PARS2: variants seen among roughly 807,000 people sequenced by gnomAD.
PARS2 encodes the protein probable proline--tRNA ligase, mitochondrial.
A neutral mutation model predicts 27.4 loss-of-function variants in PARS2; 20 were observed. The observed-to-expected ratio is 0.73, with a 90% CI of 0.51 to 1.06. The LOEUF is 1.06. Ranked by LOEUF, PARS2 falls within the 50% of genes least tolerant of loss-of-function variation. The pLI is 0.00. For synonymous variants in PARS2, 240 were observed against 247.1 expected, an observed-to-expected ratio of 0.97 and a Z score of 0.27; for missense variants, 585 against 602.1, an observed-to-expected ratio of 0.97 and a Z score of 0.30.
intron 1 of PARS2, among the ~76,000 whole-genome samples, chr1:54,762,087 A>T (rs147145757): frequency 6.7e-6 from 1 of 150,186 alleles, no homozygotes; most frequent in East Asian, 2.0e-4. Context: ...CATTACAGTT[A>T]CCCAGTGGTT....
intron 1 of PARS2, among the ~76,000 whole-genome samples, 193 bp from the exon 2 acceptor site, chr1:54,759,383 A>G (rs1052831001): frequency 5.3e-5 from 8 of 152,226 alleles, no homozygotes; most frequent in South Asian, 4.1e-4. Flanking sequence ...TGAAAAATCA[A>G]TATTTTCCTG....
Position 54,758,120 on chromosome 1 carries a change from A to G in PARS2, c.1042T>C (p.Leu348=). 1.2e-6 allele frequency: 2 copies of G among 1,614,244 alleles called. No homozygotes were observed. Among genetic ancestry groups the G allele is most frequent in the Middle Eastern group, 1.6e-4 (1 of 6,062 alleles). ...GAGAGGACTTCAATGGCAGCAGCCA[A>G]GATCCGTGTCACACCCAAGCCATAG... ...GCYGLGVTRI[L]AAAIEVLSTE... The change falls in exon 2 of 2, where the codon TTG becomes CTG. Residue 348 remains leucine (L), a synonymous_variant. Transcript: ENST00000371279.
rs984324915 is a variant in PARS2 at position 54,757,548 on chromosome 1, T to A, written c.*186A>T. On this transcript the variant is annotated 3_prime_UTR_variant, in exon 2 of 2. Transcript: ENST00000371279. ...GGCCAGTCTGGAGAAAGGGATCAAGTTAATGACTTTAAATACAAATAATCT... is the reference window on the plus strand; with the variant it reads ...GGCCAGTCTGGAGAAAGGGATCAAGATAATGACTTTAAATACAAATAATCT... 1.6e-5 allele frequency: 9 copies of A among 556,930 alleles called. No homozygotes were observed. Among genetic ancestry groups the A allele is most frequent in the Non-Finnish European group, 2.9e-5 (9 of 315,358 alleles). The allele number at this position is 556,930 out of a possible 1,614,324, so 34.5% of individuals were successfully genotyped here. A position where few individuals can be genotyped will look rare whatever the true frequency, so the allele number is the denominator to read the frequency against.
At position 54,758,744 on chromosome 1, in the gene PARS2, C is replaced by A; in HGVS notation, c.418G>T (p.Glu140Ter). The change falls in exon 2 of 2, where the codon GAG (glutamate) becomes TAG (stop). Residue 140 changes from glutamate to a stop codon, truncating the protein, a stop_gained. Transcript: ENST00000371279. LOFTEE classifies it high-confidence loss of function. ...ATNRWDLMGK[E>*]LLRLRDRHGK... ...TGCCTGTCTCTAAGTCTTAGCAGCT[C>A]TTTGCCCATCAAGTCCCACCGGTTG... The A allele has an allele frequency of 1.2e-6, 2 of 1,614,132 alleles. No homozygotes were observed. Among genetic ancestry groups the A allele is most frequent in the Non-Finnish European group, 1.7e-6 (2 of 1,180,032 alleles).
intron 1 of PARS2, among the ~76,000 whole-genome samples, chr1:54,762,894 A>C (rs1316038541): frequency 6.6e-6 from 1 of 152,140 alleles, no homozygotes; most frequent in African/African-American, 2.4e-5. Flanking sequence ...GAATGAATGG[A>C]GTAATTCTTG....
At position 54,757,007 on chromosome 1, in the gene PARS2, C is replaced by G. The variant is rs1255642756; in HGVS notation, c.*727G>C. The G allele has an allele frequency of 6.6e-6, 1 of 152,066 alleles. No homozygotes were observed. The highest frequency in any genetic ancestry group is 1.5e-5 in the Non-Finnish European group (1 of 68,020). 9.4% of individuals were successfully genotyped at this position (152,066 alleles called of 1,614,324 possible). A position where few individuals can be genotyped will look rare whatever the true frequency, so the allele number is the denominator to read the frequency against. The stretch of plus-strand genomic sequence containing the variant: ...TTTTTGGGCCATCAGTTAATTACAT[C>G]GACTTTCCAGGAAACAGACTATGGA... On this transcript the variant is annotated 3_prime_UTR_variant, in exon 2 of 2. Transcript: ENST00000371279.
At position 54,758,644 on chromosome 1, in the gene PARS2, G is replaced by A. The variant is rs1434490634; in HGVS notation, c.518C>T (p.Ser173Phe). The A allele has an allele frequency of 6.2e-7, 1 of 1,614,098 alleles. No homozygotes were observed. Among genetic ancestry groups the A allele is most frequent in the Non-Finnish European group, 8.5e-7 (1 of 1,180,048 alleles). Residue 173 changes from serine to phenylalanine, a missense_variant, in exon 2 of 2, where the codon TCC (serine) becomes TTC (phenylalanine). By Grantham distance (155) the Ser-to-Phe change is radical. Transcript: ENST00000371279. The stretch of plus-strand genomic sequence containing the variant: ...CAGCAGGAAGGGAAGCTGCTTGTAG[G>A]ACAGTTTCTTCTGGGAGGCAATTAA... Reference protein sequence around the residue: ...TALIASQKKLSYKQLPFLLYQ... With the variant: ...TALIASQKKLFYKQLPFLLYQ...
At position 54,757,828 on chromosome 1, in the gene PARS2, GCAGGGTCCTC is replaced by G. The variant is rs760838763; in HGVS notation, c.1324_1333del (p.Glu442HisfsTer25). 1 of 1,614,138 alleles carries G rather than the reference GCAGGGTCCTC, an allele frequency of 6.2e-7. No homozygotes were observed. Among genetic ancestry groups the G allele is most frequent in the Non-Finnish European group, 8.5e-7 (1 of 1,179,990 alleles). On this transcript the variant is annotated frameshift_variant, in exon 2 of 2. Transcript: ENST00000371279. LOFTEE classifies it high-confidence loss of function. ...GTTCTGACACCAAACCTCAAAATGTGCAGGGTCCTCCAGGGCCCTCTTGCCAGCGATTATC... is the reference window on the plus strand; with the variant it reads ...GTTCTGACACCAAACCTCAAAATGTGCAGGGCCCTCTTGCCAGCGATTATC...
In PARS2 at chr1:54,757,678, C is replaced by T; in HGVS notation, c.*56G>A. The stretch of plus-strand genomic sequence containing the variant: ...TCCAGGAAAGGGGTGTAGGAAAATG[C>T]AGTGTTAGAACGAACACCAAGGCTG... On this transcript the variant is annotated 3_prime_UTR_variant, in exon 2 of 2. Transcript: ENST00000371279. 3 of 1,166,090 alleles carry T rather than the reference C, an allele frequency of 2.6e-6. No homozygotes were observed. The highest frequency in any genetic ancestry group is 2.5e-6 in the Non-Finnish European group (2 of 806,712). The allele number at this position is 1,166,090 out of a possible 1,614,324, so 72.2% of individuals were successfully genotyped here. A position where few individuals can be genotyped will look rare whatever the true frequency, so the allele number is the denominator to read the frequency against.
At position 54,758,761 on chromosome 1, in the gene PARS2, C is replaced by T. The variant is rs1646137141; in HGVS notation, c.401G>A (p.Trp134Ter). 6.2e-7 allele frequency: 1 copy of T among 1,614,094 alleles called. No homozygotes were observed. Among genetic ancestry groups the T allele is most frequent in the African/African-American group, 1.3e-5 (1 of 74,934 alleles). ...PAELWQATNR[W>*]DLMGKELLRL... ...TAGCAGCTCTTTGCCCATCAAGTCC[C>T]ACCGGTTGGTGGCTTGCCAGAGCTC... Residue 134 changes from tryptophan (W) to a stop codon, truncating the protein, a stop_gained, in exon 2 of 2, where the codon TGG (tryptophan) becomes TAG (stop). Coordinates refer to ENST00000371279, the MANE Select transcript of PARS2 (RefSeq NM_152268.4). LOFTEE classifies it high-confidence loss of function.
In PARS2 at chr1:54,757,726, G is replaced by A. The variant is rs368841408; in HGVS notation, c.*8C>T. The A allele has an allele frequency of 1.2e-4, 196 of 1,577,686 alleles. No homozygotes were observed. The highest frequency in any genetic ancestry group is 1.6e-4 in the Non-Finnish European group (189 of 1,154,242). On this transcript the variant is annotated 3_prime_UTR_variant, in exon 2 of 2. Transcript: ENST00000371279. ...CTGCAAATGGGGGCAGGGGTGGGCT[G>A]GGGGCATTTAGACAGTCTGCACTGG...
chr1:54,758,055 A>C lies in PARS2; in HGVS notation c.1107T>G (p.Pro369=). The C allele has an allele frequency of 1.9e-6, 3 of 1,613,820 alleles. No homozygotes were observed. Among genetic ancestry groups the C allele is most frequent in the Non-Finnish European group, 2.5e-6 (3 of 1,179,868 alleles). The change falls in exon 2 of 2, where the codon CCT becomes CCG. Residue 369 remains proline (P), a synonymous_variant. Coordinates refer to ENST00000371279, the MANE Select transcript of PARS2 (RefSeq NM_152268.4). ...TAGGGGGGATGAGGCAGGCTTGGTA[A>C]GGGGCCAGTAGGCTGGGCCAGCGGA... is the stretch of plus-strand genomic sequence containing the variant. ...DCVRWPSLLA[P]YQACLIPPKK...
intron 1 of PARS2, among the ~76,000 whole-genome samples, chr1:54,763,606 C>G (rs889991308): frequency 6.6e-6 from 1 of 152,146 alleles, no homozygotes; most frequent in African/African-American, 2.4e-5. Context: ...TCCTCAGACC[C>G]CTCAGCTTAT....
In PARS2 at chr1:54,758,875, C is replaced by T. The variant is rs772933788; in HGVS notation, c.287G>A (p.Arg96His). ...CACTCGCACGAGCTTCTCCATGGCA[C>T]GGACGGTATATGGCAGGAGGTGGTA... is the stretch of plus-strand genomic sequence containing the variant. ...GCYHLLPYTVRAMEKLVRVID... is the reference protein window; with the variant it reads ...GCYHLLPYTVHAMEKLVRVID... Residue 96 changes from arginine (R) to histidine (H), a missense_variant, in exon 2 of 2, where the codon CGT becomes CAT. Transcript: ENST00000371279. 1.8e-5 allele frequency: 29 copies of T among 1,614,176 alleles called. No individual in the cohort carries two copies. Among genetic ancestry groups the T allele is most frequent in the South Asian group, 5.5e-5 (5 of 91,086 alleles).
intron 1 of PARS2, among the ~76,000 whole-genome samples, chr1:54,760,605 G>C (rs565481868): frequency 1.3e-5 from 2 of 152,258 alleles, no homozygotes; most frequent in South Asian, 4.2e-4. Flanking sequence ...TGCAGCCACA[G>C]GGGAGACTTC....
intron 1 of PARS2, among the ~76,000 whole-genome samples, chr1:54,762,611 A>C (rs551876911): frequency 6.6e-6 from 1 of 152,258 alleles, no homozygotes; most frequent in Non-Finnish European, 1.5e-5. Flanking sequence ...GTGTACCACC[A>C]ATGACTAATG....
chr1:54,760,075 G>T (rs1360503956), intron 1 of PARS2, among the ~76,000 whole-genome samples: 1 of 151,696 alleles, frequency 6.6e-6, no homozygotes, highest in Admixed American at 6.6e-5. Context: ...CTGACGTTTT[G>T]TTGCCATCTG....
Position 54,758,646 on chromosome 1 carries a change from C to T in PARS2, c.516G>A (p.Leu172=). The stretch of plus-strand genomic sequence containing the variant: ...GCAGGAAGGGAAGCTGCTTGTAGGA[C>T]AGTTTCTTCTGGGAGGCAATTAAGG... ...ITALIASQKK[L]SYKQLPFLLY... is the part of the protein sequence containing the mutation. The change falls in exon 2 of 2, where the codon CTG becomes CTA. Residue 172 remains leucine, a synonymous_variant. Coordinates refer to ENST00000371279, the MANE Select transcript of PARS2 (RefSeq NM_152268.4). 6.2e-7 allele frequency: 1 copy of T among 1,614,208 alleles called. No homozygotes were observed. The highest frequency in any genetic ancestry group is 8.5e-7 in the Non-Finnish European group (1 of 1,180,040).
chr1:54,758,553 C>A lies in PARS2; in HGVS notation c.609G>T (p.Glu203Asp). 1 of 1,614,256 alleles carries A rather than the reference C, an allele frequency of 6.2e-7. No homozygotes were observed. The change falls in exon 2 of 2, where the codon GAG becomes GAT. Residue 203 changes from glutamate to aspartate, a missense_variant. Coordinates refer to ENST00000371279, the MANE Select transcript of PARS2 (RefSeq NM_152268.4). ...RPRFGLLRGR[E>D]FYMKDMYTFD... ...AGGTGTACATATCCTTCATGTAAAACTCTCGGCCACGGAGAAGACCAAAGC... is the reference window on the plus strand; with the variant it reads ...AGGTGTACATATCCTTCATGTAAAAATCTCGGCCACGGAGAAGACCAAAGC...
Sources: allele counts gnomAD v4.1 joint callset (sites outside exome capture counted in the v4.1 genomes callset), GRCh38; gene constraint gnomAD v4.1.1; transcripts MANE v1.5; gene names NCBI Gene and HGNC (gene_info 2026-07-23, HGNC 2026-07-21).